Variants in COL21A1 observed in about 807,000 individuals in gnomAD.
COL21A1 encodes collagen alpha-1(XXI) chain.
COL21A1 carries 149 observed loss-of-function variants against 137.9 expected under a neutral mutation model. The ratio of observed to expected loss-of-function variants is 1.08; its 90% CI spans 0.95 to 1.24. The LOEUF is 1.24. Ranked by LOEUF, COL21A1 falls within the 50% of genes most tolerant of loss-of-function variation. COL21A1 has a pLI of 0.00. For synonymous variants in COL21A1, 456 were observed against 391.5 expected, an observed-to-expected ratio of 1.16 and a Z score of -1.95; for missense variants, 1,167 against 1,158.4, an observed-to-expected ratio of 1.01 and a Z score of -0.11.
chr6:56,273,944 C>A (rs939650630), intron 1 of COL21A1, among the ~76,000 whole-genome samples: 2 of 152,096 alleles, frequency 1.3e-5, no homozygotes, highest in African/African-American at 4.8e-5. Flanking sequence ...AAACTTCACA[C>A]CAATAACCTT....
At chr6:56,254,012 C>T (rs184005365) in intron 1 of COL21A1, among the ~76,000 whole-genome samples, 209 of 152,290 alleles carry the variant, frequency 1.4e-3, no homozygotes, top group African/African-American at 4.8e-3. Flanking sequence ...TCAGAGACTA[C>T]TTGGAGATAA....
At position 56,141,965 on chromosome 6, in the gene COL21A1, C is replaced by T. The variant is rs1774448319; in HGVS notation, c.1453G>A (p.Gly485Arg). The change falls in exon 11 of 30, where the codon GGG (glycine) becomes AGG (arginine). Residue 485 changes from glycine (G) to arginine (R), a missense_variant. Transcript: ENST00000244728. ...GGAGATCCTGGAACACCTGGTGTCCCTGCAATTCCCTGATATCCCTAAAGA... is the reference window on the plus strand; with the variant it reads ...GGAGATCCTGGAACACCTGGTGTCCTTGCAATTCCCTGATATCCCTAAAGA... ...DGKPGYQGIA[G>R]TPGVPGSPGI... The T allele has an allele frequency of 2.6e-6, 4 of 1,536,438 alleles. No individual in the cohort carries two copies. The highest frequency in any genetic ancestry group is 4.9e-5 in the East Asian group (2 of 40,676).
chr6:56,168,215 A>G lies in COL21A1; in HGVS notation c.1109T>C (p.Ile370Thr). ...DVTLYIDDQQ[I>T]ENKPLHPVLG... Reference sequence around the variant, plus strand: ...AACTGGATGTAAGGGCTTGTTTTCAATTTGTTGGTCATCAATATACAAAGT... The same window carrying G: ...AACTGGATGTAAGGGCTTGTTTTCAGTTTGTTGGTCATCAATATACAAAGT... The change falls in exon 6 of 30, where the codon ATT becomes ACT. Residue 370 changes from isoleucine (I) to threonine (T), a missense_variant. Transcript: ENST00000244728. 4.5e-6 allele frequency: 7 copies of G among 1,570,396 alleles called. No individual in the cohort carries two copies. The highest frequency in any genetic ancestry group is 2.3e-5 in the East Asian group (1 of 43,858).
At position 56,180,041 on chromosome 6, in the gene COL21A1, C is replaced by G; in HGVS notation, c.177G>C (p.Trp59Cys). ...GPENFEIVKKWLVNITKNFDI... is the reference protein window; with the variant it reads ...GPENFEIVKKCLVNITKNFDI... ...CAAAGTTTTTTGTGATATTGACAAGCCACTTTTTCACTATTTCAAAGTTTT... is the reference window on the plus strand; with the variant it reads ...CAAAGTTTTTTGTGATATTGACAAGGCACTTTTTCACTATTTCAAAGTTTT... The change falls in exon 3 of 30, where the codon TGG (tryptophan) becomes TGC (cysteine). Residue 59 changes from tryptophan (W) to cysteine (C), a missense_variant. By Grantham distance (215) the Trp-to-Cys change is radical. Transcript: ENST00000244728. The G allele has an allele frequency of 1.9e-6, 3 of 1,613,748 alleles. No homozygotes were observed. Among genetic ancestry groups the G allele is most frequent in the South Asian group, 1.1e-5 (1 of 91,066 alleles).
chr6:56,188,047 A>G (rs536685140), intron 1 of COL21A1, among the ~76,000 whole-genome samples: 1 of 152,350 alleles, frequency 6.6e-6, no homozygotes, highest in South Asian at 2.1e-4. Context: ...AGTACTCATC[A>G]TCACTAGCCA....
At chr6:56,076,686 A>G (rs1295851055) in intron 18 of COL21A1, among the ~76,000 whole-genome samples, 2 of 151,494 alleles carry the variant, frequency 1.3e-5, no homozygotes, top group African/African-American at 2.4e-5. Context: ...TTTAACCAGA[A>G]TGTAAGACAA....
chr6:56,320,316 C>T (rs1390359756), intron 1 of COL21A1, among the ~76,000 whole-genome samples: 1 of 152,030 alleles, frequency 6.6e-6, no homozygotes, highest in Non-Finnish European at 1.5e-5. Flanking sequence ...TAGCCATCAG[C>T]TCTCTTACAT....
chr6:56,199,176 T>A (rs1056846176), intron 1 of COL21A1, among the ~76,000 whole-genome samples: 1 of 152,108 alleles, frequency 6.6e-6, no homozygotes, highest in African/African-American at 2.4e-5. Flanking sequence ...AGGGTCTCCA[T>A]TAAATGATGC....
At chr6:56,333,698 A>G (rs1765280149) in intron 1 of COL21A1, among the ~76,000 whole-genome samples, 1 of 152,106 alleles carries the variant, frequency 6.6e-6, no homozygotes, top group Non-Finnish European at 1.5e-5. Flanking sequence ...GAAACTATCA[A>G]CCTATATTCC....
chr6:56,381,684 C>T (rs756636104), intron 1 of COL21A1, among the ~76,000 whole-genome samples: 8 of 152,332 alleles, frequency 5.3e-5, no homozygotes, highest in Middle Eastern at 3.4e-3. Flanking sequence ...ATAAAACTTT[C>T]CCTTTAATCA....
chr6:56,075,361 C>T (rs141751740), intron 19 of COL21A1, 118 bp downstream of exon 19: 28 of 718,220 alleles, frequency 3.9e-5, no homozygotes, highest in Non-Finnish European at 3.4e-5. Context: ...ATTCATGGAC[C>T]TCAAATATTT....
chr6:56,251,348 A>G (rs532886127), upstream of COL21A1, among the ~76,000 whole-genome samples: 1 of 152,348 alleles, frequency 6.6e-6, no homozygotes, highest in Admixed American at 6.5e-5. Flanking sequence ...CAGCACCACT[A>G]AGAGCAGGTG....
At chr6:56,383,609 C>T (rs79331973) in intron 1 of COL21A1, among the ~76,000 whole-genome samples, 10,383 of 152,184 alleles carry the variant, frequency 0.068, 397 homozygotes, top group African/African-American at 0.079. Flanking sequence ...AAGAAAAGGC[C>T]TGAAAACACA....
chr6:56,124,602 C>G (rs1772849208), intron 14 of COL21A1, among the ~76,000 whole-genome samples: 1 of 151,812 alleles, frequency 6.6e-6, no homozygotes, highest in African/African-American at 2.4e-5. Context: ...TAGAAAGGCC[C>G]ATAACATCAA....
rs73457824 is a variant in COL21A1, at chr6:56,387,399, T to C, written c.-39+6572A>G. ...TAGAACCCTTCAGCAATTGTCCCCC[T>C]GAAAGAACATCTAATTGAACAACTA... On this transcript the variant is annotated intron_variant, in intron 1 of 28. Transcript: ENST00000370819. Among the ~76,000 whole-genome samples the C allele has an allele frequency of 9.6e-3, 1,459 of 152,194 alleles. 11 individuals are homozygous for C. Among genetic ancestry groups the C allele is most frequent in the African/African-American group, 0.034 (1,396 of 41,504 alleles).
At chr6:56,081,088 A>T (rs1767717055) in intron 17 of COL21A1, among the ~76,000 whole-genome samples, 1 of 151,810 alleles carries the variant, frequency 6.6e-6, no homozygotes, top group Admixed American at 6.6e-5. Flanking sequence ...GCTTTCACAA[A>T]TATTTAGCTC....
intron 1 of COL21A1, among the ~76,000 whole-genome samples, chr6:56,225,174 T>C (rs564663121): frequency 4.6e-4 from 70 of 152,164 alleles, no homozygotes; most frequent in African/African-American, 1.6e-3. Context: ...CTTAAAACAT[T>C]TCATTTTCCT....
At chr6:56,329,679 G>A (rs1432233338) in intron 1 of COL21A1, among the ~76,000 whole-genome samples, 1 of 152,002 alleles carries the variant, frequency 6.6e-6, no homozygotes, top group Admixed American at 6.6e-5. Context: ...GTTTAAATAA[G>A]GCTGCCACGA....
chr6:56,057,043 T>G lies in COL21A1; in HGVS notation c.*614A>C, dbSNP rs1765400711. The G allele has an allele frequency of 6.6e-6, 1 of 152,268 alleles. No homozygotes were observed. Among genetic ancestry groups the G allele is most frequent in the South Asian group, 2.1e-4 (1 of 4,834 alleles). The allele number at this position is 152,268 out of a possible 1,614,324, so 9.4% of individuals were successfully genotyped here. On this transcript the variant is annotated 3_prime_UTR_variant, in exon 30 of 30. Transcript: ENST00000244728. ...TAATACTCTTTCTTAGCACCACCAT[T>G]AATCTAATTTTAGAGTTTGAAATGA...
Sources: allele counts gnomAD v4.1 joint callset (sites outside exome capture counted in the v4.1 genomes callset), GRCh38; gene constraint gnomAD v4.1.1; transcripts MANE v1.5; gene names NCBI Gene and HGNC (gene_info 2026-07-23, HGNC 2026-07-21).